BCAS1: variants seen among roughly 807,000 people sequenced by gnomAD.
BCAS1 encodes the protein brain enriched myelin associated protein 1, also known as breast carcinoma-amplified sequence 1.
A neutral mutation model predicts 65.4 loss-of-function variants in BCAS1; 46 were observed. The observed-to-expected ratio is 0.70, with a 90% CI of 0.55 to 0.90. The LOEUF (loss-of-function observed/expected upper bound fraction) is 0.90, where lower values mean the gene tolerates loss of function less well. Among genes scored for constraint, BCAS1 ranks in the 40% least tolerant of loss-of-function variants. The pLI is 0.00. For synonymous variants in BCAS1, 298 were observed against 293.5 expected, an observed-to-expected ratio of 1.02 and a Z score of -0.16; for missense variants, 793 against 771.2, an observed-to-expected ratio of 1.03 and a Z score of -0.33.
chr20:53,981,174 T>C (rs2090467481), intron 8 of BCAS1, among the ~76,000 whole-genome samples: 1 of 152,190 alleles, frequency 6.6e-6, no homozygotes, highest in Admixed American at 6.5e-5. Flanking sequence ...TCTAAAAGCA[T>C]CATTTTGATC....
At chr20:53,985,218 C>A in intron 8 of BCAS1, 69 bp downstream of exon 8, 1 of 1,435,086 alleles carries the variant, frequency 7.0e-7, no homozygotes, top group East Asian at 2.3e-5. Context: ...CAACAGTTAG[C>A]CCAATAGAAA....
chr20:54,002,909 A>G (rs1200135473), intron 4 of BCAS1, among the ~76,000 whole-genome samples: 1 of 152,188 alleles, frequency 6.6e-6, no homozygotes, highest in African/African-American at 2.4e-5. Flanking sequence ...TAATTGATTA[A>G]TTGCCAGTAT....
At chr20:54,035,178 C>T (rs1290679560) in intron 3 of BCAS1, among the ~76,000 whole-genome samples, 6 of 150,738 alleles carry the variant, frequency 4.0e-5, no homozygotes, top group Non-Finnish European at 8.9e-5. Context: ...TTTGGAAGGC[C>T]GAGGAGGGCG....
intron 4 of BCAS1, among the ~76,000 whole-genome samples, chr20:54,008,995 G>C (rs1486223598): frequency 6.6e-6 from 1 of 152,068 alleles, no homozygotes; most frequent in African/African-American, 2.4e-5. Context: ...TGCATTTTTA[G>C]TAGAGATGGG....
intron 3 of BCAS1, among the ~76,000 whole-genome samples, chr20:54,043,332 G>A (rs1008844044): frequency 1.4e-5 from 2 of 144,438 alleles, no homozygotes; most frequent in East Asian, 2.2e-4. Context: ...TGATGATGAC[G>A]ATGATTTTTT....
chr20:54,037,818 C>T (rs2091924773), intron 3 of BCAS1, among the ~76,000 whole-genome samples: 1 of 150,250 alleles, frequency 6.7e-6, no homozygotes, highest in Non-Finnish European at 1.5e-5. Flanking sequence ...AAAGCAGGAA[C>T]AGAAGAGAAA....
intron 4 of BCAS1, among the ~76,000 whole-genome samples, chr20:54,017,106 T>C (rs1486831822): frequency 5.3e-5 from 8 of 152,064 alleles, no homozygotes. Context: ...GTTGTTCACA[T>C]AGGGGGAGGG....
intron 10 of BCAS1, among the ~76,000 whole-genome samples, chr20:53,963,478 C>CAAAAAGAAAAA (rs2089944358): frequency 7.0e-6 from 1 of 143,100 alleles, no homozygotes; most frequent in Non-Finnish European, 1.5e-5. Context: ...GAGACTGTCT[C>CAAAAAGAAAAA]AAAAAGAAAA....
At chr20:53,965,900 T>C (rs2090013067) in intron 10 of BCAS1, among the ~76,000 whole-genome samples, 1 of 151,268 alleles carries the variant, frequency 6.6e-6, no homozygotes, top group Admixed American at 6.6e-5. Context: ...TAGTAAGCAA[T>C]AATAGTAACT....
intron 11 of BCAS1, among the ~76,000 whole-genome samples, 166 bp from the exon 12 acceptor site, chr20:53,953,861 A>C (rs1039743634): frequency 6.6e-6 from 1 of 152,148 alleles, no homozygotes; most frequent in Non-Finnish European, 1.5e-5. Context: ...TGCACTTATG[A>C]AGTCATGGTG....
At chr20:53,960,884 A>G (rs2089859101) in intron 10 of BCAS1, among the ~76,000 whole-genome samples, 1 of 152,238 alleles carries the variant, frequency 6.6e-6, no homozygotes, top group Admixed American at 6.5e-5. Flanking sequence ...AGAGACTAAA[A>G]TTCTTCCAGA....
chr20:54,011,442 G>A lies in BCAS1; in HGVS notation c.724-15392C>T, dbSNP rs560216077. 7.2e-4 allele frequency among the ~76,000 whole-genome samples: 110 copies of A among 152,042 alleles called. 1 individual carries two copies. Among genetic ancestry groups the A allele is most frequent in the Non-Finnish European group, 1.4e-3 (94 of 68,006 alleles). On this transcript the variant is annotated intron_variant, in intron 4 of 12. Coordinates refer to ENST00000688948, the MANE Select transcript of BCAS1 (RefSeq NM_001366298.2). ...GAAAATGGGCAAAAGACGTGAGGGG[G>A]CATTTCATTGCAGAGGATATGCAGA...
At chr20:53,966,328 C>T (rs1353275643) in intron 10 of BCAS1, among the ~76,000 whole-genome samples, 2 of 152,166 alleles carry the variant, frequency 1.3e-5, no homozygotes, top group African/African-American at 2.4e-5. Context: ...TCTTTTGCAG[C>T]AACTTGGATA....
intron 8 of BCAS1, among the ~76,000 whole-genome samples, chr20:53,980,266 T>C (rs1600768992): frequency 2.0e-5 from 3 of 152,334 alleles, no homozygotes; most frequent in Admixed American, 2.0e-4. Flanking sequence ...TTTAACTTGG[T>C]CGTTGTCCAA....
intron 9 of BCAS1, among the ~76,000 whole-genome samples, chr20:53,973,762 C>A (rs1025462166): frequency 6.6e-6 from 1 of 152,076 alleles, no homozygotes; most frequent in Non-Finnish European, 1.5e-5. Flanking sequence ...GATGAGAGAC[C>A]TGAGCTTTGC....
At chr20:54,029,430 G>T (rs1326782481) in intron 3 of BCAS1, among the ~76,000 whole-genome samples, 3 of 152,176 alleles carry the variant, frequency 2.0e-5, no homozygotes, top group Non-Finnish European at 4.4e-5. Context: ...CTCATAGGCT[G>T]ATTAGCAGCA....
chr20:54,024,969 A>C (rs889824732), intron 4 of BCAS1, among the ~76,000 whole-genome samples: 2 of 152,120 alleles, frequency 1.3e-5, no homozygotes, highest in African/African-American at 4.8e-5. Flanking sequence ...ACTTATCACA[A>C]TGTCTCTTAA....
At chr20:54,049,733 G>A (rs16998844) in intron 3 of BCAS1, among the ~76,000 whole-genome samples, 8,428 of 152,036 alleles carry the variant, frequency 0.055, 372 homozygotes, top group African/African-American at 0.12. Context: ...AGTTTTGCCC[G>A]GACTCCTTTA....
chr20:53,973,097 G>A (rs577312930), intron 9 of BCAS1, among the ~76,000 whole-genome samples: 6 of 152,242 alleles, frequency 3.9e-5, no homozygotes, highest in East Asian at 1.9e-4. Flanking sequence ...GCATGGTGGC[G>A]CATGCCTGTA....
Sources: allele counts gnomAD v4.1 joint callset (sites outside exome capture counted in the v4.1 genomes callset), GRCh38; gene constraint gnomAD v4.1.1; transcripts MANE v1.5; gene names NCBI Gene and HGNC (gene_info 2026-07-23, HGNC 2026-07-21).